CAMSAP1: variants seen among roughly 807,000 people sequenced by gnomAD.
The protein encoded by CAMSAP1 is calmodulin-regulated spectrin-associated protein 1.
A neutral mutation model predicts 143.5 loss-of-function variants in CAMSAP1; 58 were observed. That is an observed-to-expected ratio of 0.40 (90% CI 0.33 to 0.50). The LOEUF (loss-of-function observed/expected upper bound fraction) is 0.50. CAMSAP1 is among the 20% of genes least tolerant of loss of function. The pLI is 0.45. For missense variants in CAMSAP1, 1,969 were observed against 2,115.7 expected (o/e 0.93, Z 1.36); for synonymous variants, 945 against 859.3 (o/e 1.10, Z -1.74).
intron 5 of CAMSAP1, among the ~76,000 whole-genome samples, chr9:135,855,819 G>C (rs1338285654): frequency 6.6e-6 from 1 of 151,344 alleles, no homozygotes. Context: ...TTGGGAGGCC[G>C]AGGCGGGCGG....
rs375353885 is a variant in CAMSAP1 at position 135,822,721 on chromosome 9, T to C, written c.1940A>G (p.Asn647Ser). The change falls in exon 11 of 17, where the codon AAT (asparagine) becomes AGT (serine). Residue 647 changes from asparagine to serine, a missense_variant. Physicochemically the swap from Asn to Ser is conservative, Grantham distance 46. Transcript: ENST00000389532. This position sits in a 1 kb window ranked among gnomAD's most constrained non-coding sequence, Gnocchi z 6.1. The part of the protein sequence containing the change: ...RRKMTGSRDL[N>S]RTFTPIPCSE... ...GCATGGAATCGGGGTAAAAGTCCTATTCAAGTCGCGACTGCCAGTCATTTT... is the reference window on the plus strand; with the variant it reads ...GCATGGAATCGGGGTAAAAGTCCTACTCAAGTCGCGACTGCCAGTCATTTT... 28 of 1,612,332 alleles carry C rather than the reference T, an allele frequency of 1.7e-5. No homozygotes were observed. The highest frequency in any genetic ancestry group is 4.5e-5 in the East Asian group (2 of 44,838).
chr9:135,862,586 A>T lies in CAMSAP1; in HGVS notation c.689T>A (p.Leu230His). Residue 230 changes from leucine (L) to histidine (H), a missense_variant, in exon 5 of 17, where the codon CTT (leucine) becomes CAT (histidine). This residue lies in a region of CAMSAP1 where 221 missense variants were observed against 298.2 expected (regional missense o/e 0.74). Coordinates refer to ENST00000389532, the MANE Select transcript of CAMSAP1 (RefSeq NM_015447.4). ...HQKVRYRREH[L>H]SARQSPYFPL... ...GAAGTAGGGTGACTGCCTAGCAGAA[A>T]GGTGCTCTCGTCGATAGCGGACCTG... is the stretch of plus-strand genomic sequence containing the variant. 1 of 1,551,794 alleles carries T rather than the reference A, an allele frequency of 6.4e-7. No individual in the cohort carries two copies. Among genetic ancestry groups the T allele is most frequent in the Non-Finnish European group, 8.7e-7 (1 of 1,147,022 alleles).
At chr9:135,891,668 ATT>A (rs1158331661) in intron 1 of CAMSAP1, among the ~76,000 whole-genome samples, 1 of 152,252 alleles carries the variant, frequency 6.6e-6, no homozygotes. Context: ...CCAATCCATA[ATT>A]ATTCAACAAA....
At position 135,811,755 on chromosome 9, in the gene CAMSAP1, A is replaced by ATTGT; in HGVS notation, c.4507-145_4507-144insACAA. On this transcript the variant is annotated intron_variant, in intron 16 of 16. Transcript: ENST00000389532. The surrounding 1 kb of genome is among the most constrained non-coding windows in gnomAD (Gnocchi z 4.9). ...AGCTACGGCCTGCCTGTTGTAAACA[A>ATTGT]TTACAGCAGACCCCTGTACGGGAGC... is the stretch of plus-strand genomic sequence containing the variant. The ATTGT allele has an allele frequency of 1.4e-6, 1 of 720,866 alleles. No individual in the cohort carries two copies. Among genetic ancestry groups the ATTGT allele is most frequent in the Non-Finnish European group, 2.3e-6 (1 of 437,298 alleles). 44.7% of individuals were successfully genotyped at this position (720,866 alleles called of 1,614,324 possible).
At chr9:135,883,598 C>T (rs576306082) in intron 1 of CAMSAP1, among the ~76,000 whole-genome samples, 4 of 152,180 alleles carry the variant, frequency 2.6e-5, no homozygotes, top group Non-Finnish European at 4.4e-5. Flanking sequence ...GGGTGAACAC[C>T]CATGGTCTTT....
At chr9:135,904,225 C>A (rs1838699918) in intron 1 of CAMSAP1, among the ~76,000 whole-genome samples, 1 of 149,838 alleles carries the variant, frequency 6.7e-6, no homozygotes. Context: ...TTAAAGAAAA[C>A]CCCCATCTCT....
chr9:135,823,325 AG>A (rs937954255), intron 10 of CAMSAP1, 65 bp from the exon 11 acceptor site: 7 of 1,490,882 alleles, frequency 4.7e-6, no homozygotes, highest in African/African-American at 4.2e-5. Flanking sequence ...AACATGGACC[AG>A]GGGGTGAGAA....
intron 11 of CAMSAP1, 141 bp from the exon 12 acceptor site, chr9:135,819,287 C>A (rs1306460737): frequency 1.7e-5 from 20 of 1,196,250 alleles, no homozygotes; most frequent in Admixed American, 5.8e-5. Context: ...CTAACCGTTA[C>A]AGACTCTGAA....
intron 14 of CAMSAP1, chr9:135,817,704 C>A (rs538020535): frequency 5.2e-6 from 2 of 383,244 alleles, no homozygotes; most frequent in Non-Finnish European, 9.7e-6. Flanking sequence ...TGGACTCCAA[C>A]GGACTCAAAA....
intron 7 of CAMSAP1, among the ~76,000 whole-genome samples, chr9:135,830,561 A>C (rs1263279051): frequency 6.6e-6 from 1 of 152,238 alleles, no homozygotes; most frequent in Non-Finnish European, 1.5e-5. Flanking sequence ...ATCTCAAAGG[A>C]GAAACAGAAA....
chr9:135,900,815 C>T (rs138007884), intron 1 of CAMSAP1, among the ~76,000 whole-genome samples: 2,100 of 152,170 alleles, frequency 0.014, 35 homozygotes, highest in African/African-American at 0.045. Context: ...AGTGCAGTGG[C>T]GTAGTCTCGG....
At position 135,809,009 on chromosome 9, in the gene CAMSAP1, C is replaced by T. The variant is rs1296881423; in HGVS notation, c.*2300G>A. 2.0e-5 allele frequency: 3 copies of T among 152,130 alleles called. No individual in the cohort carries two copies. The highest frequency in any genetic ancestry group is 4.4e-5 in the Non-Finnish European group (3 of 68,026). The allele number at this position is 152,130 out of a possible 1,614,324, so 9.4% of individuals were successfully genotyped here. On this transcript the variant is annotated 3_prime_UTR_variant, in exon 17 of 17. Transcript: ENST00000389532. ...GCTTTCCGCTGAAAGAAATTTGCAA[C>T]GAGACACAAATACCACTGCAGGGGC...
chr9:135,892,848 C>CAAAAAAAAAAAAAAAAAAAAAAAAAAA lies in CAMSAP1; in HGVS notation c.161-9771_161-9770insTTTTTTTTTTTTTTTTTTTTTTTTTTT, dbSNP rs59978082. Among the ~76,000 whole-genome samples the CAAAAAAAAAAAAAAAAAAAAAAAAAAA allele has an allele frequency of 9.3e-4, 39 of 42,058 alleles. 1 individual carries two copies. Among genetic ancestry groups the CAAAAAAAAAAAAAAAAAAAAAAAAAAA allele is most frequent in the South Asian group, 2.0e-3 (2 of 988 alleles). The allele number at this position is 42,058 out of a possible 152,430, so 27.6% of individuals were successfully genotyped here. ...CCTGGGCAACAGAGCAAGACTGTCT[C>CAAAAAAAAAAAAAAAAAAAAAAAAAAA]AAAAAAAAAAAAAAAAAAAGAACTA... On this transcript the variant is annotated intron_variant, in intron 1 of 16. Coordinates refer to ENST00000389532, the MANE Select transcript of CAMSAP1 (RefSeq NM_015447.4).
In CAMSAP1 at chr9:135,815,164, T is replaced by C. The variant is rs755190372; in HGVS notation, c.4439A>G (p.His1480Arg). 6.2e-7 allele frequency: 1 copy of C among 1,613,956 alleles called. No homozygotes were observed. Among genetic ancestry groups the C allele is most frequent in the Non-Finnish European group, 8.5e-7 (1 of 1,179,880 alleles). The change falls in exon 16 of 17, where the codon CAC becomes CGC. Residue 1480 changes from histidine to arginine, a missense_variant. By Grantham distance (29) the His-to-Arg change is conservative. Coordinates refer to ENST00000389532, the MANE Select transcript of CAMSAP1 (RefSeq NM_015447.4). ...PSSKSNKPII[H>R]NAISHCCLAG... The stretch of plus-strand genomic sequence containing the variant: ...CAGGCAGCAATGGGATATGGCATTG[T>C]GAATAATCGGCTTGTTTGATTTACT...
chr9:135,825,907 G>A lies in CAMSAP1; in HGVS notation c.1224-1027C>T, dbSNP rs551836510. Reference sequence around the variant, plus strand: ...AGCAGGTGTGCAGGAGCACACAAGCGAAAGGGTTGCGGAGAGAGGGGCTCA... The same window carrying A: ...AGCAGGTGTGCAGGAGCACACAAGCAAAAGGGTTGCGGAGAGAGGGGCTCA... On this transcript the variant is annotated intron_variant, in intron 8 of 16. Transcript: ENST00000389532. Among the ~76,000 whole-genome samples the A allele has an allele frequency of 3.3e-5, 5 of 152,298 alleles. No homozygotes were observed. In the East Asian group the frequency reaches 5.8e-4, roughly 18 times the overall value.
chr9:135,838,032 C>T (rs1588460989), intron 7 of CAMSAP1, among the ~76,000 whole-genome samples: 2 of 151,584 alleles, frequency 1.3e-5, no homozygotes, highest in African/African-American at 2.4e-5. Flanking sequence ...CACTTTCTAC[C>T]CCCTGTACAG....
chr9:135,880,666 T>C (rs943956346), intron 3 of CAMSAP1, among the ~76,000 whole-genome samples: 1 of 152,206 alleles, frequency 6.6e-6, no homozygotes, highest in Non-Finnish European at 1.5e-5. Flanking sequence ...TGGCTCTGCA[T>C]GTGCAAGCTA....
intron 7 of CAMSAP1, among the ~76,000 whole-genome samples, chr9:135,838,456 C>A (rs1836206035): frequency 6.7e-6 from 1 of 149,230 alleles, no homozygotes; most frequent in African/African-American, 2.5e-5. Flanking sequence ...CACGCACTTT[C>A]CACCTGTTCT....
intron 3 of CAMSAP1, among the ~76,000 whole-genome samples, chr9:135,880,011 T>G: frequency 6.6e-6 from 1 of 152,148 alleles, no homozygotes; most frequent in Non-Finnish European, 1.5e-5. Context: ...TACCAAAATG[T>G]TAACCATTTT....
Sources: gnomAD v4.1 joint callset for allele counts (sites outside exome capture counted in the v4.1 genomes callset) on GRCh38, gnomAD v4.1.1 for gene constraint, gnomAD v4.1.1 regional missense constraint, Gnocchi (gnomAD v3.1) non-coding constraint, MANE v1.5 for transcripts, NCBI Gene and HGNC (gene_info 2026-07-23, HGNC 2026-07-21) for gene names.